The following HIGD1C variants were observed in gnomAD, a reference collection of about 807,000 sequenced individuals.
HIGD1C encodes HIG1 hypoxia inducible domain family member 1C.
A neutral mutation model predicts 13.1 loss-of-function variants in HIGD1C; 11 were observed. The ratio of observed to expected loss-of-function variants is 0.84; its 90% CI spans 0.53 to 1.39. The LOEUF (loss-of-function observed/expected upper bound fraction) is 1.39, where lower values mean the gene tolerates loss of function less well. Among genes scored for constraint, HIGD1C ranks in the 40% most tolerant of loss-of-function variants. HIGD1C has a pLI of 0.00. For synonymous variants in HIGD1C, 36 were observed against 37.7 expected, an observed-to-expected ratio of 0.95 and a Z score of 0.17; for missense variants, 110 against 112.0, an observed-to-expected ratio of 0.98 and a Z score of 0.08.
chr12:50,957,028 G>T (rs1939121295), intron 1 of HIGD1C, among the ~76,000 whole-genome samples: 1 of 150,582 alleles, frequency 6.6e-6, no homozygotes, highest in South Asian at 2.1e-4. Flanking sequence ...TAGCACATTA[G>T]TCATTTTTAT....
At chr12:50,961,165 T>G in intron 2 of HIGD1C, 63 bp downstream of exon 4, 1 of 1,508,426 alleles carries the variant, frequency 6.6e-7, no homozygotes, top group Non-Finnish European at 9.1e-7. Context: ...TTTATTTTAT[T>G]CATTCATAGT....
chr12:50,947,262 C>T, the HIGD1C span, among the ~76,000 whole-genome samples: 3 of 152,286 alleles, frequency 2.0e-5, no homozygotes, highest in East Asian at 5.8e-4. Flanking sequence ...ACCTAAGTGG[C>T]TTAAAACACC....
the HIGD1C span, among the ~76,000 whole-genome samples, chr12:50,942,389 C>T: frequency 6.6e-6 from 1 of 152,194 alleles, no homozygotes; most frequent in South Asian, 2.1e-4. Flanking sequence ...GTGGTCTCAT[C>T]CTTTCTTCCC....
At chr12:50,949,989 A>G (rs1370805205), upstream of HIGD1C, among the ~76,000 whole-genome samples, 1 of 152,250 alleles carries the variant, frequency 6.6e-6, no homozygotes, top group East Asian at 1.9e-4. Context: ...AATGGAACCC[A>G]GACACAGTCT....
the HIGD1C span, among the ~76,000 whole-genome samples, chr12:50,945,848 A>C: frequency 1.3e-5 from 2 of 152,172 alleles, no homozygotes; most frequent in Non-Finnish European, 2.9e-5. Context: ...AGGCTACAGT[A>C]ACCAAAACAG....
chr12:50,931,627 C>T, the HIGD1C span: 1 of 146,072 alleles, frequency 6.8e-6, no homozygotes, highest in Non-Finnish European at 1.5e-5. Context: ...AGGAGAATCT[C>T]TTGAACCCAG....
intron 2 of HIGD1C, among the ~76,000 whole-genome samples, chr12:50,965,835 T>C (rs1367074909): frequency 1.3e-5 from 2 of 152,218 alleles, no homozygotes; most frequent in Non-Finnish European, 2.9e-5. Flanking sequence ...TTTTTGTCTG[T>C]CGAACATGGT....
At chr12:50,958,993 G>A (rs1171677995) in intron 1 of HIGD1C, among the ~76,000 whole-genome samples, 1 of 151,868 alleles carries the variant, frequency 6.6e-6, no homozygotes, top group Admixed American at 6.6e-5. Context: ...CTGCAGCCTG[G>A]GTGACAGAGC....
intron 2 of HIGD1C, among the ~76,000 whole-genome samples, chr12:50,961,500 C>G (rs1457613625): frequency 6.8e-6 from 1 of 147,434 alleles, no homozygotes; most frequent in Non-Finnish European, 1.5e-5. Context: ...TAGTTATTAG[C>G]TTAGGAAGAA....
the HIGD1C span, among the ~76,000 whole-genome samples, chr12:50,945,962 C>T: frequency 6.6e-6 from 1 of 151,920 alleles, no homozygotes; most frequent in Non-Finnish European, 1.5e-5. Flanking sequence ...ACAAACCTGA[C>T]AAAAACAAGA....
chr12:50,958,594 T>C (rs1939203659), intron 1 of HIGD1C, among the ~76,000 whole-genome samples: 1 of 151,994 alleles, frequency 6.6e-6, no homozygotes, highest in Admixed American at 6.6e-5. Context: ...AATAATCTTT[T>C]TTAAAACAAG....
the HIGD1C span, among the ~76,000 whole-genome samples, chr12:50,936,626 G>A: frequency 6.6e-6 from 1 of 152,164 alleles, no homozygotes; most frequent in Non-Finnish European, 1.5e-5. Context: ...CATCTTCTGA[G>A]TCCAAGATCT....
intron 2 of HIGD1C, 50 bp from the exon 5 acceptor site, chr12:50,970,392 G>A (rs1328487780): frequency 5.5e-6 from 5 of 915,520 alleles, no homozygotes; most frequent in South Asian, 1.5e-5. Flanking sequence ...AAGAAATTCA[G>A]TGTTTGTTTC....
rs750753201 is a variant in HIGD1C at position 50,969,291 on chromosome 12, C to T, written c.230-1151C>T. On this transcript the variant is annotated intron_variant, in intron 2 of 2. Coordinates refer to ENST00000398455, the Ensembl canonical transcript of HIGD1C. ...CCTGGGCAAGACAGAGAGACCCCATCTCAAAAAAATAAAATAAGTAAATAA... is the reference window on the plus strand; with the variant it reads ...CCTGGGCAAGACAGAGAGACCCCATTTCAAAAAAATAAAATAAGTAAATAA... Among the ~76,000 whole-genome samples, 7 of 149,816 alleles carry T rather than the reference C, an allele frequency of 4.7e-5. No homozygotes were observed. In the Middle Eastern group the frequency reaches 0.01, roughly 224 times the overall value.
At chr12:50,941,143 T>C in the HIGD1C span, among the ~76,000 whole-genome samples, 4 of 152,086 alleles carry the variant, frequency 2.6e-5, no homozygotes, top group South Asian at 2.1e-4. Context: ...TGAGCCACCA[T>C]ACCCAGCTGA....
intron 1 of HIGD1C, 46 bp downstream of exon 3, chr12:50,954,138 T>A (rs776089023): frequency 8.7e-7 from 1 of 1,149,272 alleles, no homozygotes; most frequent in South Asian, 1.3e-5. Context: ...AATAACACAA[T>A]GATGCCTTAC....
the HIGD1C span, among the ~76,000 whole-genome samples, chr12:50,943,839 G>A: frequency 6.6e-6 from 1 of 152,004 alleles, no homozygotes; most frequent in Non-Finnish European, 1.5e-5. Flanking sequence ...TTAACTCTAA[G>A]TGTCCTGATG....
At chr12:50,952,407 T>C (rs1410660129), upstream of HIGD1C, among the ~76,000 whole-genome samples, 4 of 152,182 alleles carry the variant, frequency 2.6e-5, no homozygotes, top group African/African-American at 4.8e-5. Flanking sequence ...GGAAAAACCA[T>C]GAACGCTACC....
intron 1 of HIGD1C, among the ~76,000 whole-genome samples, chr12:50,959,791 G>T (rs934480845): frequency 1.3e-5 from 2 of 152,054 alleles, no homozygotes; most frequent in Admixed American, 1.3e-4. Flanking sequence ...GGGATTACAG[G>T]CATGTACCAC....
Sources: gnomAD v4.1 joint callset for allele counts (sites outside exome capture counted in the v4.1 genomes callset) on GRCh38, gnomAD v4.1.1 for gene constraint, MANE v1.5 for transcripts, NCBI Gene and HGNC (gene_info 2026-07-23, HGNC 2026-07-21) for gene names.